SLC25A21: variants seen among roughly 807,000 people sequenced by gnomAD.
The protein encoded by SLC25A21 is mitochondrial 2-oxodicarboxylate carrier.
Under a neutral mutation model 43.8 loss-of-function variants are expected in SLC25A21, and 47 were observed. The observed-to-expected ratio is 1.07, with a 90% CI of 0.85 to 1.37. The LOEUF is 1.37. Among genes scored for constraint, SLC25A21 ranks in the 40% most tolerant of loss-of-function variants. SLC25A21 has a pLI of 0.00. For synonymous variants in SLC25A21, 131 were observed against 121.3 expected (o/e 1.08, Z -0.52); for missense variants, 352 against 350.2 (o/e 1.00, Z -0.04).
intron 2 of SLC25A21, among the ~76,000 whole-genome samples, chr14:36,867,507 G>A (rs1245862591): frequency 1.3e-5 from 2 of 152,116 alleles, no homozygotes; most frequent in Non-Finnish European, 1.5e-5. Flanking sequence ...GCCCCAAAAC[G>A]ACGTGTGGCA....
rs1267636650 is a variant in SLC25A21, at chr14:36,813,909, T to C, written c.203+9A>G. On this transcript the variant is annotated intron_variant, in intron 3 of 9. Coordinates refer to ENST00000331299, the MANE Select transcript of SLC25A21 (RefSeq NM_030631.4). ...CATATTAAAATGGCTATATGAAGAA[T>C]ATACATACCCTTCCATTTGGAAAAT... is the stretch of plus-strand genomic sequence containing the variant. 4 of 1,562,108 alleles carry C rather than the reference T, an allele frequency of 2.6e-6. No homozygotes were observed. The African/African-American group carries it at 4.1e-5, about 16-fold the overall frequency.
At chr14:36,780,572 T>A (rs991065002) in intron 3 of SLC25A21, among the ~76,000 whole-genome samples, 1 of 152,096 alleles carries the variant, frequency 6.6e-6, no homozygotes, top group African/African-American at 2.4e-5. Context: ...ATTTCCCTTT[T>A]TATTCCTTGA....
intron 1 of SLC25A21, among the ~76,000 whole-genome samples, chr14:37,017,320 T>C (rs1960878581): frequency 6.6e-6 from 1 of 152,028 alleles, no homozygotes; most frequent in South Asian, 2.1e-4. Flanking sequence ...TCTCTTGGAA[T>C]AGGCAGGCCC....
intron 1 of SLC25A21, among the ~76,000 whole-genome samples, chr14:37,008,726 A>T (rs1960663631): frequency 6.6e-6 from 1 of 152,080 alleles, no homozygotes; most frequent in African/African-American, 2.4e-5. Context: ...AGACGCTTTG[A>T]TTAAATGCTG....
chr14:36,947,148 A>G (rs1345658615), intron 1 of SLC25A21, among the ~76,000 whole-genome samples: 1 of 152,184 alleles, frequency 6.6e-6, no homozygotes, highest in Non-Finnish European at 1.5e-5. Flanking sequence ...GAGAAACAGA[A>G]TCCAATTACA....
intron 1 of SLC25A21, among the ~76,000 whole-genome samples, chr14:36,923,448 G>A (rs1350754273): frequency 6.6e-6 from 1 of 152,050 alleles, no homozygotes; most frequent in Non-Finnish European, 1.5e-5. Flanking sequence ...CCTACAACCA[G>A]AAGAAAAATG....
At position 36,678,643 on chromosome 14, in the gene SLC25A21, G is replaced by C; in HGVS notation, c.*2015C>G. Reference sequence around the variant, plus strand: ...CTTTATCAAATGTTTTTAGGTGGCTGTTAGGGGGCTTTAAAAAATATTACT... The same window carrying C: ...CTTTATCAAATGTTTTTAGGTGGCTCTTAGGGGGCTTTAAAAAATATTACT... On this transcript the variant is annotated 3_prime_UTR_variant, in exon 10 of 10. Coordinates refer to ENST00000331299, the MANE Select transcript of SLC25A21 (RefSeq NM_030631.4). 1.6e-6 allele frequency: 2 copies of C among 1,265,574 alleles called. No homozygotes were observed. The highest frequency in any genetic ancestry group is 2.0e-6 in the Non-Finnish European group (2 of 1,005,310). The allele number at this position is 1,265,574 out of a possible 1,614,324, so 78.4% of individuals were successfully genotyped here.
intron 1 of SLC25A21, among the ~76,000 whole-genome samples, chr14:37,001,358 T>C (rs1469646687): frequency 6.6e-6 from 1 of 152,158 alleles, no homozygotes; most frequent in African/African-American, 2.4e-5. Context: ...CAATTCACTT[T>C]ATCAGTGAAG....
chr14:36,886,613 T>C (rs1199995525), intron 1 of SLC25A21, among the ~76,000 whole-genome samples: 1 of 152,174 alleles, frequency 6.6e-6, no homozygotes, highest in Non-Finnish European at 1.5e-5. Context: ...GAAATCACGG[T>C]AAATGGAGCA....
chr14:37,001,083 A>G (rs1405189541), intron 1 of SLC25A21, among the ~76,000 whole-genome samples: 1 of 151,802 alleles, frequency 6.6e-6, no homozygotes, highest in Non-Finnish European at 1.5e-5. Context: ...ATATTTTTTC[A>G]TAGCACTTGC....
chr14:36,764,522 T>G lies in SLC25A21; in HGVS notation c.204-29949A>C, dbSNP rs1408791219. 8.3e-5 allele frequency among the ~76,000 whole-genome samples: 9 copies of G among 108,978 alleles called. No individual in the cohort carries two copies. In the East Asian group the frequency reaches 2.5e-3, roughly 30 times the overall value. The allele number at this position is 108,978 out of a possible 152,430, so 71.5% of individuals were successfully genotyped here. Reference sequence around the variant, plus strand: ...GAAGGGATTCCAGATTTATGCACACTCACCCACACTCCAAAAAAAAAAAAA... The same window carrying G: ...GAAGGGATTCCAGATTTATGCACACGCACCCACACTCCAAAAAAAAAAAAA... On this transcript the variant is annotated intron_variant, in intron 3 of 9. Coordinates refer to ENST00000331299, the MANE Select transcript of SLC25A21 (RefSeq NM_030631.4).
At chr14:36,685,921 A>G (rs547289921) in intron 7 of SLC25A21, among the ~76,000 whole-genome samples, 5 of 152,242 alleles carry the variant, frequency 3.3e-5, no homozygotes, top group African/African-American at 9.6e-5. Flanking sequence ...ACATACTATA[A>G]GCTGCTGACT....
chr14:36,866,033 T>G (rs1051533033), intron 2 of SLC25A21, among the ~76,000 whole-genome samples: 1 of 152,186 alleles, frequency 6.6e-6, no homozygotes, highest in African/African-American at 2.4e-5. Context: ...TCTTTAACTA[T>G]ATGTCTATGA....
intron 3 of SLC25A21, among the ~76,000 whole-genome samples, chr14:36,783,848 C>T (rs1050724790): frequency 2.0e-5 from 3 of 152,202 alleles, no homozygotes; most frequent in Admixed American, 6.5e-5. Flanking sequence ...GCTGATGTCA[C>T]TCACCTGGAG....
At chr14:36,801,062 A>G (rs1594600031) in intron 3 of SLC25A21, among the ~76,000 whole-genome samples, 1 of 152,274 alleles carries the variant, frequency 6.6e-6, no homozygotes, top group African/African-American at 2.4e-5. Context: ...CCTATTCCTG[A>G]GGCAGAGCTC....
chr14:36,810,887 GTGGGGGAAATAATT>G (rs1888225454), intron 3 of SLC25A21, among the ~76,000 whole-genome samples: 1 of 94,274 alleles, frequency 1.1e-5, no homozygotes, highest in African/African-American at 3.3e-5. Flanking sequence ...AAAGAAAAGA[GTGGGGGAAATAATT>G]CAGCATATGA....
intron 1 of SLC25A21, among the ~76,000 whole-genome samples, chr14:36,915,338 C>T (rs183661791): frequency 4.1e-4 from 62 of 152,220 alleles, no homozygotes; most frequent in African/African-American, 1.4e-3. Context: ...CAAGGGCAAA[C>T]TCCCACACTC....
intron 1 of SLC25A21, among the ~76,000 whole-genome samples, chr14:37,063,198 C>T (rs1240855685): frequency 6.6e-6 from 1 of 152,044 alleles, no homozygotes; most frequent in South Asian, 2.1e-4. Context: ...ATGGGAACTA[C>T]AATTCAAGAT....
At chr14:36,824,410 A>G (rs1888746216) in intron 2 of SLC25A21, among the ~76,000 whole-genome samples, 1 of 152,150 alleles carries the variant, frequency 6.6e-6, no homozygotes, top group African/African-American at 2.4e-5. Context: ...CCAGTTTCAA[A>G]TGAGGACCCA....
Sources: gnomAD v4.1 joint callset for allele counts (sites outside exome capture counted in the v4.1 genomes callset) on GRCh38, gnomAD v4.1.1 for gene constraint, MANE v1.5 for transcripts, NCBI Gene and HGNC (gene_info 2026-07-23, HGNC 2026-07-21) for gene names.